RNF17: variants seen among roughly 807,000 people sequenced by gnomAD.
RNF17 encodes spermatogenesis associated 23.
In RNF17, 31 loss-of-function variants were observed where a neutral mutation model predicts 200.5. The observed-to-expected ratio is 0.15, with a 90% confidence interval of 0.12 to 0.21. The LOEUF is 0.21. Among genes scored for constraint, RNF17 ranks in the 10% least tolerant of loss-of-function variants. RNF17 has a pLI of 1.00. For missense variants in RNF17, 1,628 were observed against 1,905.1 expected (o/e 0.85, Z 2.71); for synonymous variants, 606 against 637.8 (o/e 0.95, Z 0.75).
At chr13:24,798,815 G>A (rs1884910585) in intron 11 of RNF17, among the ~76,000 whole-genome samples, 1 of 151,904 alleles carries the variant, frequency 6.6e-6, no homozygotes. Context: ...AATCCAACTG[G>A]TCCCTACAAA....
At chr13:24,781,730 C>A in intron 5 of RNF17, 114 bp from the exon 6 acceptor site, 2 of 650,788 alleles carry the variant, frequency 3.1e-6, no homozygotes, top group Admixed American at 5.9e-5. Context: ...TATCTCTTTA[C>A]CTCTTGTGTT....
At chr13:24,866,753 G>GAC (rs1008235637) in intron 30 of RNF17, among the ~76,000 whole-genome samples, 3 of 5,420 alleles carry the variant, frequency 5.5e-4, no homozygotes, top group African/African-American at 7.2e-4. Context: ...TTTTTATGTA[G>GAC]ACATGTTTTC....
At chr13:24,770,699 A>T (rs2137474324) in intron 2 of RNF17, among the ~76,000 whole-genome samples, 1 of 152,336 alleles carries the variant, frequency 6.6e-6, no homozygotes, top group African/African-American at 2.4e-5. Context: ...TCTCTTCCCC[A>T]CCAAAGATGT....
At chr13:24,856,818 G>A (rs1348906270) in intron 25 of RNF17, among the ~76,000 whole-genome samples, 1 of 152,148 alleles carries the variant, frequency 6.6e-6, no homozygotes, top group Non-Finnish European at 1.5e-5. Flanking sequence ...TATAACGCTT[G>A]AAATCCATTG....
chr13:24,830,100 C>T lies in RNF17; in HGVS notation c.2246-384C>T, dbSNP rs552122077. On this transcript the variant is annotated intron_variant, in intron 16 of 35. Transcript: ENST00000255324. The stretch of plus-strand genomic sequence containing the variant: ...AGGCTTAGAGAGAAAAAGTAACTTG[C>T]TCAGGGTAATATCTTAGAGATATTA... Among the ~76,000 whole-genome samples, 3 of 152,094 alleles carry T rather than the reference C, an allele frequency of 2.0e-5. No individual in the cohort carries two copies. In the South Asian group the frequency reaches 6.2e-4, roughly 32 times the overall value.
At chr13:24,755,433 G>A in the RNF17 span, among the ~76,000 whole-genome samples, 1 of 152,004 alleles carries the variant, frequency 6.6e-6, no homozygotes, top group Non-Finnish European at 1.5e-5. Context: ...TGGAACATAT[G>A]AATTGTTCAA....
intron 34 of RNF17, among the ~76,000 whole-genome samples, chr13:24,878,132 T>C (rs1895054796): frequency 6.6e-6 from 1 of 152,210 alleles, no homozygotes; most frequent in Admixed American, 6.5e-5. Flanking sequence ...CCCTCCTTTG[T>C]GATTCCTGCC....
chr13:24,864,758 C>T (rs960207523), intron 28 of RNF17, 115 bp from the exon 29 acceptor site: 5 of 747,824 alleles, frequency 6.7e-6, no homozygotes, highest in Non-Finnish European at 1.1e-5. Context: ...AGTCACTAGC[C>T]AAACTGTCTA....
intron 21 of RNF17, 48 bp from the exon 22 acceptor site, chr13:24,844,913 A>C: frequency 6.5e-7 from 1 of 1,547,394 alleles, no homozygotes. Flanking sequence ...CCAAAAAAAT[A>C]TTTCGAAATG....
At chr13:24,785,519 G>C (rs1361399274) in intron 6 of RNF17, among the ~76,000 whole-genome samples, 1 of 152,128 alleles carries the variant, frequency 6.6e-6, no homozygotes, top group Non-Finnish European at 1.5e-5. Flanking sequence ...CTTAACATAT[G>C]TTCTGTCTCA....
chr13:24,772,970 A>G (rs530277171), intron 2 of RNF17, among the ~76,000 whole-genome samples: 78 of 152,310 alleles, frequency 5.1e-4, no homozygotes, highest in African/African-American at 1.7e-3. Context: ...AAATGCTCAC[A>G]TCACTTACCA....
Position 24,789,378 on chromosome 13 carries a change from A to G in RNF17, c.814A>G (p.Ser272Gly), listed in dbSNP as rs1422571397. The G allele has an allele frequency of 2.5e-6, 4 of 1,604,412 alleles. No individual in the cohort carries two copies. In the African/African-American group the frequency reaches 4.0e-5, roughly 16 times the overall value. Residue 272 changes from serine to glycine, a missense_variant, in exon 8 of 36, where the codon AGT becomes GGT. Transcript: ENST00000255324. The stretch of plus-strand genomic sequence containing the variant: ...CCGGACTTTGCAGTTAACTTCAGAT[A>G]GTGAATTAGCACAAGTTAGTTCTCC... ...IIRTLQLTSD[S>G]ELAQVSSPQL...
chr13:24,853,424 A>G lies in RNF17; in HGVS notation c.3321-431A>G, dbSNP rs1238912770. Among the ~76,000 whole-genome samples the G allele has an allele frequency of 2.6e-5, 4 of 152,142 alleles. No individual in the cohort carries two copies. In the East Asian group the frequency reaches 7.7e-4, roughly 29 times the overall value. On this transcript the variant is annotated intron_variant, in intron 24 of 35. Transcript: ENST00000255324. ...CACTTAGGTAATATATGAATATGGT[A>G]TATTCATATATACGGATAGTACCTT...
At chr13:24,775,287 CA>C (rs1472415154) in intron 3 of RNF17, among the ~76,000 whole-genome samples, 1 of 152,168 alleles carries the variant, frequency 6.6e-6, no homozygotes, top group African/African-American at 2.4e-5. Context: ...CTCACTCTGT[CA>C]CCCAGGCTTG....
At chr13:24,754,462 A>G in the RNF17 span, among the ~76,000 whole-genome samples, 1 of 152,050 alleles carries the variant, frequency 6.6e-6, no homozygotes, top group Non-Finnish European at 1.5e-5. Context: ...TTCTTTCAGG[A>G]CCTTCTGCTT....
chr13:24,870,460 G>C (rs1894136751), intron 31 of RNF17, 111 bp from the exon 32 acceptor site: 1 of 794,378 alleles, frequency 1.3e-6, no homozygotes, highest in African/African-American at 1.7e-5. Context: ...AGGAGGTGTA[G>C]GGGTCTCTGG....
rs746632051 is a variant in RNF17, at chr13:24,851,547, A to C, written c.3296A>C (p.Lys1099Thr). 1 of 1,611,780 alleles carries C rather than the reference A, an allele frequency of 6.2e-7. No homozygotes were observed. Among genetic ancestry groups the C allele is most frequent in the Non-Finnish European group, 8.5e-7 (1 of 1,179,360 alleles). ...RVDVSKYLIK[K>T]GLALRERRIN... ...GATGTTTCTAAATATTTGATTAAAA[A>C]GGGTTTGGCTTTGAGAGAAAGGAGG... The change falls in exon 24 of 36, where the codon AAG (lysine) becomes ACG (threonine). Residue 1099 changes from lysine to threonine, a missense_variant. Coordinates refer to ENST00000255324, the MANE Select transcript of RNF17 (RefSeq NM_031277.3).
chr13:24,790,330 C>G (rs981418793), intron 9 of RNF17, among the ~76,000 whole-genome samples: 8 of 152,098 alleles, frequency 5.3e-5, no homozygotes, highest in African/African-American at 1.9e-4. Context: ...ATTCCATTCT[C>G]TATGTCCCCA....
chr13:24,836,559 C>T (rs535685316), intron 18 of RNF17, among the ~76,000 whole-genome samples: 1 of 152,282 alleles, frequency 6.6e-6, no homozygotes, highest in Admixed American at 6.5e-5. Flanking sequence ...TCTTCAGCCT[C>T]CTCAAACAAA....
Sources: allele counts gnomAD v4.1 joint callset (sites outside exome capture counted in the v4.1 genomes callset), GRCh38; gene constraint gnomAD v4.1.1; transcripts MANE v1.5; gene names NCBI Gene and HGNC (gene_info 2026-07-23, HGNC 2026-07-21).